The following CFAP251 variants were observed in gnomAD, a reference collection of about 807,000 sequenced individuals.
CFAP251 encodes cilia and flagella associated protein 251.
CFAP251 carries 93 observed loss-of-function variants against 126.7 expected under a neutral mutation model. The ratio of observed to expected loss-of-function variants is 0.73; its 90% CI spans 0.62 to 0.87. The LOEUF is 0.87. CFAP251 is among the 40% of genes least tolerant of loss of function. The pLI, the probability that CFAP251 is intolerant of heterozygous loss-of-function variation, is 0.00. For synonymous variants in CFAP251, 503 were observed against 506.9 expected (o/e 0.99, Z 0.10); for missense variants, 1,287 against 1,389.2 (o/e 0.93, Z 1.17).
At chr12:121,992,398 G>A (rs2135813158) in intron 19 of CFAP251, 1 of 985,388 alleles carries the variant, frequency 1.0e-6, no homozygotes. Context: ...AGTAAGAGGT[G>A]AATCACATGC....
intron 19 of CFAP251, among the ~76,000 whole-genome samples, chr12:121,987,898 C>A (rs1882788614): frequency 6.6e-6 from 1 of 151,976 alleles, no homozygotes; most frequent in Admixed American, 6.6e-5. Context: ...TGAGTTGGTA[C>A]AAAGAAGGAA....
chr12:121,951,471 T>A lies in CFAP251; in HGVS notation c.1270-9T>A. The A allele has an allele frequency of 6.5e-7, 1 of 1,544,706 alleles. No homozygotes were observed. Among genetic ancestry groups the A allele is most frequent in the South Asian group, 1.2e-5 (1 of 83,696 alleles). ...TTTTTGAGTAGTGATTATTTTTTCC[T>A]CTTATCAGTATGAAGAGAGGGATAC... is the stretch of plus-strand genomic sequence containing the variant. On this transcript the variant is annotated splice_polypyrimidine_tract_variant and intron_variant, in intron 8 of 21. Coordinates refer to ENST00000288912, the MANE Select transcript of CFAP251 (RefSeq NM_144668.6).
chr12:121,996,770 T>TA (rs1272100130), intron 19 of CFAP251: 1 of 152,170 alleles, frequency 6.6e-6, no homozygotes, highest in Non-Finnish European at 1.5e-5. Flanking sequence ...GATCATCTGC[T>TA]GGTGGCCAAA....
chr12:121,922,944 C>T (rs1443919645), intron 2 of CFAP251, among the ~76,000 whole-genome samples: 1 of 152,104 alleles, frequency 6.6e-6, no homozygotes, highest in Non-Finnish European at 1.5e-5. Context: ...CGCCCGCCAC[C>T]ACGCCCAGCT....
At chr12:121,971,564 T>C (rs1055641806) in intron 17 of CFAP251, 1 of 702,944 alleles carries the variant, frequency 1.4e-6, no homozygotes. Context: ...ACAGCCATCC[T>C]GGGAGCCAGG....
At chr12:122,001,211 A>G (rs947006220) in intron 20 of CFAP251, among the ~76,000 whole-genome samples, 2 of 151,316 alleles carry the variant, frequency 1.3e-5, no homozygotes, top group African/African-American at 4.9e-5. Flanking sequence ...CCGCGCCACC[A>G]CACCCGGCTA....
At chr12:122,001,674 C>A in intron 21 of CFAP251, 76 bp downstream of exon 21, 1 of 1,167,592 alleles carries the variant, frequency 8.6e-7, no homozygotes, top group South Asian at 1.2e-5. Flanking sequence ...ATTTATTTCT[C>A]CTGATCGGTG....
intron 7 of CFAP251, among the ~76,000 whole-genome samples, chr12:121,946,056 A>G (rs1881316371): frequency 6.6e-6 from 1 of 152,200 alleles, no homozygotes; most frequent in Admixed American, 6.5e-5. Context: ...TTAAAATTCC[A>G]TGACATGTGG....
intron 15 of CFAP251, among the ~76,000 whole-genome samples, chr12:121,964,643 C>T (rs932152465): frequency 1.3e-5 from 2 of 152,126 alleles, no homozygotes; most frequent in South Asian, 2.1e-4. Flanking sequence ...TGGTGGCTCA[C>T]GCCCCAGCAT....
At chr12:121,951,769 C>T (rs1237673564) in intron 9 of CFAP251, among the ~76,000 whole-genome samples, 1 of 151,900 alleles carries the variant, frequency 6.6e-6, no homozygotes, top group Non-Finnish European at 1.5e-5. Flanking sequence ...CCCAGGCTGG[C>T]GTGCAGTGGC....
At chr12:121,958,802 CGTTTCG>C (rs1881825664) in intron 12 of CFAP251, 135 bp from the exon 13 acceptor site, 2 of 1,099,668 alleles carry the variant, frequency 1.8e-6, no homozygotes, top group Non-Finnish European at 2.6e-6. Flanking sequence ...GGAGATCACG[CGTTTCG>C]GTTCATTTCT....
Position 121,934,296 on chromosome 12 carries a change from G to A in CFAP251, c.938G>A (p.Trp313Ter), listed in dbSNP as rs1468758833. Residue 313 changes from tryptophan (W) to a stop codon, truncating the protein, a stop_gained, in exon 5 of 22, where the codon TGG becomes TAG. Coordinates refer to ENST00000288912, the MANE Select transcript of CFAP251 (RefSeq NM_144668.6). LOFTEE classifies it high-confidence loss of function. ...CTCTGCGTCAGTGAAGACAGGCGGT[G>A]GATCGCCACAGCAGACAAAGGGCCA... ...SCLCVSEDRR[W>*]IATADKGPDC... 1.2e-6 allele frequency: 2 copies of A among 1,613,980 alleles called. No homozygotes were observed. Among genetic ancestry groups the A allele is most frequent in the African/African-American group, 2.7e-5 (2 of 74,920 alleles).
chr12:121,942,867 A>T (rs746460895), intron 6 of CFAP251, 28 bp from the exon 7 acceptor site: 2 of 1,612,772 alleles, frequency 1.2e-6, no homozygotes, highest in Non-Finnish European at 1.7e-6. Context: ...AGACCTTCTC[A>T]TGCCCCTCTC....
rs570215486 is a variant in CFAP251, at chr12:121,954,122, C to T, written c.1323C>T (p.Thr441=). 1 of 1,613,498 alleles carries T rather than the reference C, an allele frequency of 6.2e-7. No individual in the cohort carries two copies. Among genetic ancestry groups the T allele is most frequent in the Non-Finnish European group, 8.5e-7 (1 of 1,179,752 alleles). The stretch of plus-strand genomic sequence containing the variant: ...CTATAACCTTTCTTTTGAAACAGAC[C>T]TTCAACAAGCTTGTGGGAAAGTTTA... The part of the protein sequence containing the change: ...AHSAPLLTEK[T]FNKLVGKFSQ... The change falls in exon 10 of 22, where the codon ACC becomes ACT. Residue 441 remains threonine (T), a splice_region_variant and synonymous_variant. Coordinates refer to ENST00000288912, the MANE Select transcript of CFAP251 (RefSeq NM_144668.6).
In CFAP251 at chr12:121,957,205, C is replaced by T; in HGVS notation, c.1667C>T (p.Pro556Leu). The change falls in exon 11 of 22, where the codon CCT becomes CTT. Residue 556 changes from proline to leucine, a missense_variant. Coordinates refer to ENST00000288912, the MANE Select transcript of CFAP251 (RefSeq NM_144668.6). The part of the protein sequence containing the change: ...TLSFSKTPAT[P>L]PTEKSNYPPD... Reference sequence around the variant, plus strand: ...TCCTTTTCAAAGACCCCAGCAACTCCTCCTACTGAAAAATCAAACTATCCT... The same window carrying T: ...TCCTTTTCAAAGACCCCAGCAACTCTTCCTACTGAAAAATCAAACTATCCT... 1 of 1,614,076 alleles carries T rather than the reference C, an allele frequency of 6.2e-7. No individual in the cohort carries two copies. Among genetic ancestry groups the T allele is most frequent in the Non-Finnish European group, 8.5e-7 (1 of 1,180,006 alleles).
In CFAP251 at chr12:121,931,748, C is replaced by A; in HGVS notation, c.750C>A (p.Thr250=). The change falls in exon 4 of 22, where the codon ACC becomes ACA. Residue 250 remains threonine, a splice_region_variant and synonymous_variant. Coordinates refer to ENST00000288912, the MANE Select transcript of CFAP251 (RefSeq NM_144668.6). The part of the protein sequence containing the change: ...KDKSTPVYPL[T]MTWSFGWNSS... ...CTGGCTTTGCCCTTGTCTTCCAGAC[C>A]ATGACCTGGTCGTTTGGATGGAACA... The A allele has an allele frequency of 1.3e-6, 2 of 1,571,554 alleles. No individual in the cohort carries two copies. Among genetic ancestry groups the A allele is most frequent in the South Asian group, 1.2e-5 (1 of 82,972 alleles).
chr12:121,920,778 C>T (rs939128445), intron 1 of CFAP251, among the ~76,000 whole-genome samples: 151 of 150,346 alleles, frequency 1.0e-3, no homozygotes, highest in African/African-American at 2.9e-3. Flanking sequence ...CTGATCCTCC[C>T]GCCTCAGCCT....
Position 121,921,336 on chromosome 12 carries a change from G to T in CFAP251, c.31G>T (p.Ala11Ser). The change falls in exon 2 of 22, where the codon GCA becomes TCA. Residue 11 changes from alanine (A) to serine (S), a missense_variant. Coordinates refer to ENST00000288912, the MANE Select transcript of CFAP251 (RefSeq NM_144668.6). ...AGATGCAGCAGAAGCTCCCCGAGAA[G>T]CAACAGGAGAAAATGGAGAAACAGA... MSDAAEAPREATGENGETEMK... is the reference protein window; with the variant it reads MSDAAEAPRESTGENGETEMK... The T allele has an allele frequency of 6.2e-7, 1 of 1,600,808 alleles. No individual in the cohort carries two copies. Among genetic ancestry groups the T allele is most frequent in the Non-Finnish European group, 8.5e-7 (1 of 1,176,476 alleles).
intron 7 of CFAP251, 48 bp downstream of exon 7, chr12:121,943,023 G>A (rs766668140): frequency 3.8e-6 from 6 of 1,590,294 alleles, no homozygotes; most frequent in Non-Finnish European, 5.2e-6. Flanking sequence ...TTATACAGGT[G>A]CAAGGCCAGG....
Sources: allele counts gnomAD v4.1 joint callset (sites outside exome capture counted in the v4.1 genomes callset), GRCh38; gene constraint gnomAD v4.1.1; transcripts MANE v1.5; gene names NCBI Gene and HGNC (gene_info 2026-07-23, HGNC 2026-07-21).